Variants in ABCB4 observed in about 807,000 individuals in gnomAD.
ABCB4 encodes phosphatidylcholine translocator ABCB4.
In ABCB4, 76 loss-of-function variants were observed where a neutral mutation model predicts 145.7. That is an observed-to-expected ratio of 0.52 (90% CI 0.43 to 0.63). ABCB4 has a LOEUF of 0.63. ABCB4 is among the 30% of genes least tolerant of loss of function. The probability of loss-of-function intolerance (pLI) is 0.00; values close to 1 mark genes in which losing one functional copy is unlikely to be tolerated. For synonymous variants in ABCB4, 517 were observed against 566.8 expected (o/e 0.91, Z 1.25); for missense variants, 1,234 against 1,553.1 (o/e 0.79, Z 3.45).
At chr7:87,424,466 G>C (rs954924791) in intron 16 of ABCB4, among the ~76,000 whole-genome samples, 43 of 152,126 alleles carry the variant, frequency 2.8e-4, no homozygotes, top group Admixed American at 2.0e-3. Flanking sequence ...CTCTCTAACA[G>C]GGATGATATC....
At chr7:87,457,135 C>T (rs1169774723) in intron 4 of ABCB4, among the ~76,000 whole-genome samples, 1 of 152,076 alleles carries the variant, frequency 6.6e-6, no homozygotes, top group African/African-American at 2.4e-5. Context: ...TAAAGTGCCC[C>T]CCGCCAGGCC....
intron 6 of ABCB4, chr7:87,452,264 G>A (rs1303807299): frequency 8.6e-6 from 2 of 231,576 alleles, no homozygotes; most frequent in African/African-American, 4.6e-5. Context: ...ATGCAAGTCT[G>A]ACCATGCTAC....
the ABCB4 span, among the ~76,000 whole-genome samples, chr7:87,366,098 G>A: frequency 1.3e-5 from 2 of 152,150 alleles, no homozygotes; most frequent in South Asian, 2.1e-4. Flanking sequence ...CTACCCTCAC[G>A]ACTTCCCCAA....
chr7:87,426,963 G>GTC, intron 15 of ABCB4, 43 bp from the exon 16 acceptor site: 3 of 1,531,336 alleles, frequency 2.0e-6, no homozygotes, highest in Non-Finnish European at 2.7e-6. Context: ...GTGTGTGTGT[G>GTC]TGTGTGTGTG....
the ABCB4 span, among the ~76,000 whole-genome samples, chr7:87,381,400 C>T: frequency 1.3e-5 from 2 of 152,214 alleles, no homozygotes; most frequent in Non-Finnish European, 2.9e-5. Context: ...TGAGAATTAT[C>T]ACATTGGGAC....
At chr7:87,471,619 T>G (rs1584800654) in intron 3 of ABCB4, among the ~76,000 whole-genome samples, 1 of 152,336 alleles carries the variant, frequency 6.6e-6, no homozygotes, top group African/African-American at 2.4e-5. Context: ...CTAAGTTGGA[T>G]TTCAGCTGAC....
At chr7:87,427,828 T>A (rs1208155433) in intron 15 of ABCB4, among the ~76,000 whole-genome samples, 2 of 152,162 alleles carry the variant, frequency 1.3e-5, no homozygotes, top group African/African-American at 2.4e-5. Flanking sequence ...TGAACCACAT[T>A]GCAGTGATAT....
At chr7:87,426,444 C>T (rs1440952197) in intron 16 of ABCB4, among the ~76,000 whole-genome samples, 1 of 152,094 alleles carries the variant, frequency 6.6e-6, no homozygotes, top group South Asian at 2.1e-4. Flanking sequence ...CAGGGCCTCT[C>T]GTTTTGGACC....
At chr7:87,468,941 T>TAAATA (rs376156950) in intron 3 of ABCB4, among the ~76,000 whole-genome samples, 4,932 of 138,878 alleles carry the variant, frequency 0.036, 135 homozygotes, top group African/African-American at 0.06. Context: ...AAAAAATAAA[T>TAAATA]AAATAAAATA....
the ABCB4 span, chr7:87,381,784 G>A: frequency 5.0e-6 from 3 of 598,358 alleles, no homozygotes; most frequent in Non-Finnish European, 2.9e-6. Flanking sequence ...ATCCTCAAGA[G>A]GTGAGGCATT....
At chr7:87,368,380 G>A in the ABCB4 span, among the ~76,000 whole-genome samples, 1 of 152,110 alleles carries the variant, frequency 6.6e-6, no homozygotes, top group Non-Finnish European at 1.5e-5. Context: ...GGAGATGACA[G>A]CAATAAAAGA....
chr7:87,443,367 G>A lies in ABCB4; in HGVS notation c.1308C>T (p.Ser436=). 1 of 1,614,038 alleles carries A rather than the reference G, an allele frequency of 6.2e-7. No individual in the cohort carries two copies. The highest frequency in any genetic ancestry group is 8.5e-7 in the Non-Finnish European group (1 of 1,179,990). The part of the protein sequence containing the change: ...ALVGSSGCGK[S]TTVQLIQRLY... ...GCCTCTGTATCAGCTGGACCGTTGT[G>A]CTCTTCCCACAGCCACTACTTCCAA... The change falls in exon 12 of 28, where the codon AGC becomes AGT. Residue 436 remains serine, a synonymous_variant. Coordinates refer to ENST00000649586, the MANE Select transcript of ABCB4 (RefSeq NM_000443.4).
At chr7:87,414,547 C>T (rs773829016) in intron 21 of ABCB4, among the ~76,000 whole-genome samples, 1 of 152,188 alleles carries the variant, frequency 6.6e-6, no homozygotes, top group Non-Finnish European at 1.5e-5. Flanking sequence ...AGCCAAACCA[C>T]CCTTGACAAA....
At chr7:87,391,698 G>T in the ABCB4 span, 4 of 1,608,752 alleles carry the variant, frequency 2.5e-6, no homozygotes, top group Non-Finnish European at 3.4e-6. Flanking sequence ...GTCCATGCAG[G>T]ATCCTTCTGT....
chr7:87,434,839 G>T (rs1451641684), intron 14 of ABCB4, among the ~76,000 whole-genome samples: 1 of 152,224 alleles, frequency 6.6e-6, no homozygotes, highest in African/African-American at 2.4e-5. Context: ...TCTACTATGT[G>T]CAAGGCACTG....
intron 3 of ABCB4, among the ~76,000 whole-genome samples, chr7:87,470,866 A>G (rs1178320686): frequency 1.3e-5 from 2 of 152,156 alleles, no homozygotes; most frequent in South Asian, 2.1e-4. Flanking sequence ...TCCCATTACT[A>G]GGTATATACC....
intron 21 of ABCB4, among the ~76,000 whole-genome samples, chr7:87,414,507 A>T (rs1808836629): frequency 1.3e-5 from 2 of 152,178 alleles, no homozygotes; most frequent in African/African-American, 4.8e-5. Flanking sequence ...CTTTTACCCA[A>T]ACCAGCCAGA....
intron 26 of ABCB4, among the ~76,000 whole-genome samples, chr7:87,405,178 A>T (rs1808092977): frequency 1.3e-5 from 2 of 152,266 alleles, no homozygotes; most frequent in Non-Finnish European, 2.9e-5. Context: ...AATATCACTC[A>T]GTAATAAAAA....
At chr7:87,426,039 T>C (rs1053365115) in intron 16 of ABCB4, among the ~76,000 whole-genome samples, 16 of 150,854 alleles carry the variant, frequency 1.1e-4, no homozygotes, top group African/African-American at 2.7e-4. Context: ...AAAAAAAAAA[T>C]TGAATTTTCC....
Sources: allele counts gnomAD v4.1 joint callset (sites outside exome capture counted in the v4.1 genomes callset), GRCh38; gene constraint gnomAD v4.1.1; transcripts MANE v1.5; gene names NCBI Gene and HGNC (gene_info 2026-07-23, HGNC 2026-07-21).